HAGH: variants seen among roughly 807,000 people sequenced by gnomAD.
HAGH encodes hydroxyacylglutathione hydrolase, mitochondrial.
Under a neutral mutation model 35.1 loss-of-function variants are expected in HAGH, and 29 were observed. The ratio of observed to expected loss-of-function variants is 0.83; its 90% CI spans 0.62 to 1.13. The LOEUF (loss-of-function observed/expected upper bound fraction) is 1.13, where lower values mean the gene tolerates loss of function less well. Ranked by LOEUF, HAGH falls within the 50% of genes most tolerant of loss-of-function variation. The probability of loss-of-function intolerance (pLI) is 0.00; values close to 1 mark genes in which losing one functional copy is unlikely to be tolerated. For missense variants in HAGH, 478 were observed against 419.6 expected (o/e 1.14, Z -1.22); for synonymous variants, 225 against 176.1 (o/e 1.28, Z -2.20).
chr16:1,824,867 C>T (rs1021673461), intron 1 of HAGH, among the ~76,000 whole-genome samples: 1 of 152,226 alleles, frequency 6.6e-6, no homozygotes, highest in Non-Finnish European at 1.5e-5. Context: ...ATTCCCCTTC[C>T]CCTTAGCCTC....
chr16:1,826,762 C>A lies in HAGH; in HGVS notation c.26G>T (p.Gly9Val), dbSNP rs1332219394. The change falls in exon 1 of 9, where the codon GGC becomes GTC. Residue 9 changes from glycine to valine, a missense_variant. Coordinates refer to ENST00000397356, the MANE Select transcript of HAGH (RefSeq NM_005326.6). Reference protein sequence around the residue: MVVGRGLLGRRSLAALGAA... With the variant: MVVGRGLLVRRSLAALGAA... ...TCCCAGCGCGGCGAGGCTGCGGCGG[C>A]CGAGCAGCCCTCGGCCCACCACCAT... The A allele has an allele frequency of 2.5e-6, 3 of 1,208,206 alleles. No homozygotes were observed. The highest frequency in any genetic ancestry group is 3.1e-6 in the Non-Finnish European group (3 of 973,040). 74.8% of individuals were successfully genotyped at this position (1,208,206 alleles called of 1,614,324 possible).
intron 7 of HAGH, among the ~76,000 whole-genome samples, chr16:1,816,370 C>G (rs937643336): frequency 1.3e-5 from 2 of 152,114 alleles, no homozygotes; most frequent in Non-Finnish European, 2.9e-5. Flanking sequence ...CTGTCAGAGG[C>G]AGCGACTCTC....
chr16:1,826,638 G>T (rs1003459626), intron 1 of HAGH, 74 bp downstream of exon 1: 6 of 970,298 alleles, frequency 6.2e-6, no homozygotes, highest in East Asian at 1.1e-4. Flanking sequence ...GTCGCCAAAC[G>T]ACGGCCCGGC....
At chr16:1,815,509 C>T (rs981071764) in intron 7 of HAGH, among the ~76,000 whole-genome samples, 5 of 152,146 alleles carry the variant, frequency 3.3e-5, no homozygotes, top group South Asian at 2.1e-4. Flanking sequence ...TCAGCGGGGC[C>T]GAGAATGCCA....
intron 4 of HAGH, 93 bp from the exon 5 acceptor site, chr16:1,819,316 C>T: frequency 1.4e-6 from 1 of 738,724 alleles, no homozygotes; most frequent in East Asian, 2.7e-5. Context: ...TACTGGGCCT[C>T]CTCAGCTCTG....
chr16:1,822,225 G>A, intron 3 of HAGH, 75 bp downstream of exon 3: 1 of 900,736 alleles, frequency 1.1e-6, no homozygotes, highest in Non-Finnish European at 1.8e-6. Flanking sequence ...GGGGAGACAG[G>A]CCTTGATGTC....
intron 3 of HAGH, among the ~76,000 whole-genome samples, 170 bp from the exon 4 acceptor site, chr16:1,820,184 C>G (rs546661589): frequency 6.6e-6 from 1 of 152,048 alleles, no homozygotes; most frequent in Admixed American, 6.5e-5. Context: ...ATCACAGACA[C>G]CTGGATGATC....
chr16:1,822,238 T>C, intron 3 of HAGH, 62 bp downstream of exon 3: 1 of 1,125,400 alleles, frequency 8.9e-7, no homozygotes, highest in Non-Finnish European at 1.3e-6. Context: ...TTGATGTCCC[T>C]AAACCCACCG....
chr16:1,820,041 T>A, intron 3 of HAGH, 27 bp from the exon 4 acceptor site: 1 of 490,434 alleles, frequency 2.0e-6, no homozygotes, highest in Non-Finnish European at 2.7e-6. Context: ...AGACCTGGGC[T>A]GCCTGCTGAG....
At chr16:1,820,888 G>A (rs565180862) in intron 3 of HAGH, among the ~76,000 whole-genome samples, 30 of 152,244 alleles carry the variant, frequency 2.0e-4, no homozygotes, top group African/African-American at 7.0e-4. Flanking sequence ...ACCCCACCCC[G>A]CTGAAGCTAT....
At position 1,812,819 on chromosome 16, in the gene HAGH, G is replaced by A. The variant is rs532761330; in HGVS notation, c.748-2986C>T. Among the ~76,000 whole-genome samples, 6 of 152,280 alleles carry A rather than the reference G, an allele frequency of 3.9e-5. No individual in the cohort carries two copies. In the South Asian group the frequency reaches 8.3e-4, roughly 21 times the overall value. On this transcript the variant is annotated intron_variant, in intron 7 of 8. Transcript: ENST00000397356. ...GAATGGGAGGCGCCCTGCAGGAGGC[G>A]GCCTCTCACCAGGGACTGGGCTCCA...
In HAGH at chr16:1,822,366, T is replaced by G; in HGVS notation, c.250-2A>C. On this transcript the variant is annotated splice_acceptor_variant, in intron 2 of 8. Coordinates refer to ENST00000397356, the MANE Select transcript of HAGH (RefSeq NM_005326.6). LOFTEE classifies it high-confidence loss of function. ...GTGCTTTCTCGCCGCGTCCACGACC[T>G]GCAGTGGCCCCGGGGAAGGACAAAG... is the stretch of plus-strand genomic sequence containing the variant. 1 of 1,607,572 alleles carries G rather than the reference T, an allele frequency of 6.2e-7. No individual in the cohort carries two copies. Among genetic ancestry groups the G allele is most frequent in the Non-Finnish European group, 8.5e-7 (1 of 1,175,808 alleles).
At chr16:1,820,099 G>GGGCT in intron 3 of HAGH, 85 bp from the exon 4 acceptor site, 2 of 521,594 alleles carry the variant, frequency 3.8e-6, no homozygotes, top group South Asian at 3.6e-5. Flanking sequence ...CTGAGCTGAG[G>GGGCT]GGCTGCCTGC....
intron 5 of HAGH, 142 bp from the exon 6 acceptor site, chr16:1,817,413 T>G: frequency 1.5e-6 from 1 of 656,820 alleles, no homozygotes; most frequent in East Asian, 2.7e-5. Context: ...CTGCCCAGAC[T>G]CAGCCCCCCT....
chr16:1,823,481 A>G (rs552813894), intron 1 of HAGH, among the ~76,000 whole-genome samples: 1 of 151,872 alleles, frequency 6.6e-6, no homozygotes, highest in East Asian at 1.9e-4. Context: ...GTTAGCCAGG[A>G]TGGTCTCGAT....
intron 7 of HAGH, among the ~76,000 whole-genome samples, chr16:1,814,600 C>A (rs1027552050): frequency 1.3e-5 from 2 of 151,902 alleles, no homozygotes; most frequent in Admixed American, 6.6e-5. Flanking sequence ...AGAAAAACAT[C>A]TTTTAAATAT....
chr16:1,811,197 T>C (rs999631004), intron 7 of HAGH, among the ~76,000 whole-genome samples: 5 of 152,074 alleles, frequency 3.3e-5, no homozygotes, highest in African/African-American at 1.2e-4. Context: ...GTGGATTGCC[T>C]GAACTCAGGA....
intron 5 of HAGH, 66 bp downstream of exon 5, chr16:1,819,049 C>A (rs1464809576): frequency 1.9e-6 from 2 of 1,026,096 alleles, no homozygotes; most frequent in Admixed American, 3.7e-5. Flanking sequence ...CCCCGTGAGC[C>A]TGCCTGGCAG....
At position 1,826,811 on chromosome 16, in the gene HAGH, G is replaced by C. The variant is rs1367066413; in HGVS notation, c.-24C>G. ...ATGACCCGGGCCGGGCTGGACTGCC[G>C]AGCTGCCCAGGACTGCAAAACACCG... is the stretch of plus-strand genomic sequence containing the variant. On this transcript the variant is annotated 5_prime_UTR_variant, in exon 1 of 9. Coordinates refer to ENST00000397356, the MANE Select transcript of HAGH (RefSeq NM_005326.6). 8.2e-7 allele frequency: 1 copy of C among 1,213,298 alleles called. No individual in the cohort carries two copies. The highest frequency in any genetic ancestry group is 1.0e-6 in the Non-Finnish European group (1 of 971,034). The allele number at this position is 1,213,298 out of a possible 1,614,324, so 75.2% of individuals were successfully genotyped here.
Sources: gnomAD v4.1 joint callset for allele counts (sites outside exome capture counted in the v4.1 genomes callset) on GRCh38, gnomAD v4.1.1 for gene constraint, MANE v1.5 for transcripts, NCBI Gene and HGNC (gene_info 2026-07-23, HGNC 2026-07-21) for gene names.